The following SERPINB7 variants were observed in gnomAD, a reference collection of about 807,000 sequenced individuals.
SERPINB7 encodes serpin family B member 7.
A neutral mutation model predicts 37.4 loss-of-function variants in SERPINB7; 31 were observed. The ratio of observed to expected loss-of-function variants is 0.83; its 90% CI spans 0.62 to 1.12. The LOEUF (loss-of-function observed/expected upper bound fraction) is 1.12, where lower values mean the gene tolerates loss of function less well. Among genes scored for constraint, SERPINB7 ranks in the 50% most tolerant of loss-of-function variants. The pLI is 0.00. For missense variants in SERPINB7, 521 were observed against 455.3 expected (o/e 1.14, Z -1.31); for synonymous variants, 163 against 166.1 (o/e 0.98, Z 0.14).
upstream of SERPINB7, among the ~76,000 whole-genome samples, chr18:63,770,873 G>GCACACACA (rs10634962): frequency 0.35 from 51,879 of 148,682 alleles, 10,242 homozygotes; most frequent in Non-Finnish European, 0.46. Context: ...GTCTGCACAT[G>GCACACACA]CACACACACA....
At chr18:63,796,667 T>C (rs1033844812) in intron 5 of SERPINB7, among the ~76,000 whole-genome samples, 1 of 152,234 alleles carries the variant, frequency 6.6e-6, no homozygotes, top group African/African-American at 2.4e-5. Context: ...ACTTCATATA[T>C]GAATAACAAG....
chr18:63,771,519 A>G (rs1191989230), upstream of SERPINB7, among the ~76,000 whole-genome samples: 1 of 152,038 alleles, frequency 6.6e-6, no homozygotes, highest in Non-Finnish European at 1.5e-5. Context: ...TACTTATTTC[A>G]TGTGTTCTTA....
At chr18:63,779,553 T>A (rs1001945702) in intron 1 of SERPINB7, among the ~76,000 whole-genome samples, 1 of 152,144 alleles carries the variant, frequency 6.6e-6, no homozygotes, top group Non-Finnish European at 1.5e-5. Context: ...TGCTAGTTAG[T>A]ATCACCTATC....
rs771706098 is a variant in SERPINB7, at chr18:63,796,274, T to C, written c.345T>C (p.Ile115=). The stretch of plus-strand genomic sequence containing the variant: ...TATATTCTTCTTTATAGGACTACAT[T>C]GAGTGTGCCGAAAAATTATACGATG... The part of the protein sequence containing the change: ...EKVYGFHKDY[I]ECAEKLYDAK... Residue 115 remains isoleucine (I), a synonymous_variant, in exon 5 of 8, where the codon ATT becomes ATC. Coordinates refer to ENST00000398019, the MANE Select transcript of SERPINB7 (RefSeq NM_003784.4). 21 of 1,598,508 alleles carry C rather than the reference T, an allele frequency of 1.3e-5. No individual in the cohort carries two copies. In the South Asian group the frequency reaches 1.9e-4, roughly 14 times the overall value.
chr18:63,760,898 C>A (rs2049149734), intron 1 of SERPINB7, among the ~76,000 whole-genome samples: 1 of 152,252 alleles, frequency 6.6e-6, no homozygotes, highest in South Asian at 2.1e-4. Flanking sequence ...AGGAGTGGTC[C>A]TCTCATGGAG....
At chr18:63,757,193 T>C (rs1568198110) in intron 1 of SERPINB7, among the ~76,000 whole-genome samples, 1 of 152,026 alleles carries the variant, frequency 6.6e-6, no homozygotes, top group Non-Finnish European at 1.5e-5. Context: ...GTCTAGGAAA[T>C]TCAATCAGCC....
In SERPINB7 at chr18:63,793,275, A is replaced by T; in HGVS notation, c.334A>T (p.Lys112Ter). The T allele has an allele frequency of 6.5e-7, 1 of 1,531,290 alleles. No individual in the cohort carries two copies. The highest frequency in any genetic ancestry group is 9.0e-7 in the Non-Finnish European group (1 of 1,112,842). The allele number at this position is 1,531,290 out of a possible 1,614,324, so 94.9% of individuals were successfully genotyped here. A position where few individuals can be genotyped will look rare whatever the true frequency, so the allele number is the denominator to read the frequency against. Residue 112 changes from lysine to a stop codon, truncating the protein, a stop_gained and splice_region_variant, in exon 4 of 8, where the codon AAG (lysine) becomes TAG (stop). Transcript: ENST00000398019. LOFTEE classifies it high-confidence loss of function. ...LFAEKVYGFHKDYIECAEKLY... is the reference protein window; with the variant it reads ...LFAEKVYGFH ...TGCTGAAAAAGTGTATGGCTTTCAT[A>T]AGGTAAGTGAAACTGCCTTTGTTAG...
chr18:63,756,092 T>TACACAC (rs5825530), intron 1 of SERPINB7, among the ~76,000 whole-genome samples: 194 of 148,796 alleles, frequency 1.3e-3, no homozygotes, highest in African/African-American at 4.6e-3. Flanking sequence ...ATATAGGGTT[T>TACACAC]ACACACACAC....
At chr18:63,793,611 A>G (rs889167908) in intron 4 of SERPINB7, among the ~76,000 whole-genome samples, 12 of 152,150 alleles carry the variant, frequency 7.9e-5, no homozygotes, top group African/African-American at 2.9e-4. Context: ...TTCAAGCAAT[A>G]ATCCCACCTC....
At chr18:63,767,004 C>T (rs796209231) in intron 1 of SERPINB7, among the ~76,000 whole-genome samples, 38 of 152,286 alleles carry the variant, frequency 2.5e-4, no homozygotes, top group African/African-American at 9.1e-4. Context: ...TTACTTTTCT[C>T]CATCTCCACT....
intron 4 of SERPINB7, among the ~76,000 whole-genome samples, chr18:63,795,033 A>G (rs903062679): frequency 6.6e-6 from 1 of 152,236 alleles, no homozygotes; most frequent in Admixed American, 6.5e-5. Context: ...ATGTGTTGAT[A>G]AATTAGATCA....
chr18:63,764,486 T>TCTCAGGAGGGGCTGTTCCCA (rs2049170202), intron 1 of SERPINB7, among the ~76,000 whole-genome samples: 1 of 152,142 alleles, frequency 6.6e-6, no homozygotes, highest in Admixed American at 6.5e-5. Flanking sequence ...CTCACTCATC[T>TCTCAGGAGGGGCTGTTCCCA]CTCAGGAGGG....
chr18:63,758,350 G>T (rs2049133479), intron 1 of SERPINB7, among the ~76,000 whole-genome samples: 1 of 152,152 alleles, frequency 6.6e-6, no homozygotes, highest in Non-Finnish European at 1.5e-5. Flanking sequence ...TTCACTTTCT[G>T]CCTGATAGGA....
chr18:63,763,075 G>C (rs977732674), intron 1 of SERPINB7, among the ~76,000 whole-genome samples: 1 of 152,096 alleles, frequency 6.6e-6, no homozygotes, highest in Non-Finnish European at 1.5e-5. Context: ...TGTGGATTTG[G>C]GTGAATTGGG....
chr18:63,782,292 T>G, intron 1 of SERPINB7, 63 bp from the exon 2 acceptor site: 2 of 1,025,170 alleles, frequency 2.0e-6, no homozygotes, highest in Non-Finnish European at 2.6e-6. Context: ...TAAATAAATC[T>G]AAAAATATAA....
intron 1 of SERPINB7, among the ~76,000 whole-genome samples, chr18:63,779,892 G>A (rs893703613): frequency 1.3e-5 from 2 of 151,900 alleles, no homozygotes; most frequent in African/African-American, 2.4e-5. Flanking sequence ...AAATAGTAAG[G>A]CATAATTTGT....
chr18:63,798,946 A>G (rs2049518682), intron 6 of SERPINB7, among the ~76,000 whole-genome samples, 200 bp downstream of exon 6: 1 of 152,208 alleles, frequency 6.6e-6, no homozygotes, highest in Non-Finnish European at 1.5e-5. Context: ...AACACCACCA[A>G]ACGTGTCTTG....
chr18:63,753,785 A>C (rs557901067), intron 1 of SERPINB7, among the ~76,000 whole-genome samples: 109 of 152,348 alleles, frequency 7.2e-4, no homozygotes, highest in Non-Finnish European at 1.5e-5. Context: ...GGTTTCAAAA[A>C]AATTTTTTAG....
intron 4 of SERPINB7, among the ~76,000 whole-genome samples, chr18:63,795,796 G>T (rs762319897): frequency 6.6e-6 from 1 of 152,170 alleles, no homozygotes; most frequent in Non-Finnish European, 1.5e-5. Flanking sequence ...TCGTGGGACA[G>T]CAGAGTAAGG....
Sources: allele counts gnomAD v4.1 joint callset (sites outside exome capture counted in the v4.1 genomes callset), GRCh38; gene constraint gnomAD v4.1.1; transcripts MANE v1.5; gene names NCBI Gene and HGNC (gene_info 2026-07-23, HGNC 2026-07-21).